The following KDM4C variants were observed in gnomAD, a reference collection of about 807,000 sequenced individuals.
KDM4C encodes lysine-specific demethylase 4C.
KDM4C carries 81 observed loss-of-function variants against 129.3 expected under a neutral mutation model. The ratio of observed to expected loss-of-function variants is 0.63; its 90% CI spans 0.52 to 0.75. The LOEUF is 0.75. Among genes scored for constraint, KDM4C ranks in the 30% least tolerant of loss-of-function variants. The pLI is 0.00. For missense variants in KDM4C, 1,457 were observed against 1,304.0 expected (o/e 1.12, Z -1.81); for synonymous variants, 573 against 456.1 (o/e 1.26, Z -3.26).
chr9:7,001,914 A>C (rs1021088264), intron 12 of KDM4C, among the ~76,000 whole-genome samples: 28 of 152,030 alleles, frequency 1.8e-4, no homozygotes, highest in African/African-American at 6.8e-4. Flanking sequence ...TTTGTTTGAG[A>C]CAGAGTCTTA....
intron 1 of KDM4C, among the ~76,000 whole-genome samples, chr9:6,743,652 T>A (rs1181271383): frequency 6.6e-6 from 1 of 151,776 alleles, no homozygotes; most frequent in Non-Finnish European, 1.5e-5. Context: ...GGATTATAGG[T>A]GTGTACAACC....
intron 2 of KDM4C, among the ~76,000 whole-genome samples, chr9:6,793,407 G>GA (rs1187077269): frequency 2.6e-5 from 4 of 151,780 alleles, no homozygotes; most frequent in Non-Finnish European, 5.9e-5. Context: ...ATCCATGTAT[G>GA]GGTTTCAGAG....
In KDM4C at chr9:6,771,080, C is replaced by CTTTT. The variant is rs35945405; in HGVS notation, c.-18+12903_-18+12906dup. Among the ~76,000 whole-genome samples, 548 of 56,964 alleles carry CTTTT rather than the reference C, an allele frequency of 9.6e-3. 93 individuals are homozygous for CTTTT. Among genetic ancestry groups the CTTTT allele is most frequent in the African/African-American group, 0.04 (529 of 13,236 alleles). The allele number at this position is 56,964 out of a possible 152,430, so 37.4% of individuals were successfully genotyped here. A position where few individuals can be genotyped will look rare whatever the true frequency, so the allele number is the denominator to read the frequency against. On this transcript the variant is annotated intron_variant, in intron 1 of 21. Transcript: ENST00000381309. The stretch of plus-strand genomic sequence containing the variant: ...TGAGCCACTGCGCCCGACTGTGAAT[C>CTTTT]TTTTTTTTTTTTTTTTTTTTTTTTT...
rs141241043 is a variant in KDM4C, at chr9:6,797,601, G to A, written c.144+4469G>A. Among the ~76,000 whole-genome samples the A allele has an allele frequency of 4.0e-3, 607 of 152,310 alleles. 3 individuals carry two copies. Among genetic ancestry groups the A allele is most frequent in the African/African-American group, 0.014 (584 of 41,574 alleles). ...AACTTTTTTTATATATGAAGTGGGT[G>A]AAATTGGTCCCCAACAGAAATCTGA... is the stretch of plus-strand genomic sequence containing the variant. On this transcript the variant is annotated intron_variant, in intron 2 of 21. Transcript: ENST00000381309.
At chr9:7,083,573 A>G (rs1587530075) in intron 17 of KDM4C, among the ~76,000 whole-genome samples, 1 of 152,224 alleles carries the variant, frequency 6.6e-6, no homozygotes, top group Admixed American at 6.5e-5. Context: ...TATGGTAGGC[A>G]GTTATAACAC....
At chr9:6,851,077 G>C (rs1838760767) in intron 5 of KDM4C, among the ~76,000 whole-genome samples, 1 of 152,150 alleles carries the variant, frequency 6.6e-6, no homozygotes, top group African/African-American at 2.4e-5. Flanking sequence ...TTAATAGGTG[G>C]TCTAGGACTC....
intron 1 of KDM4C, among the ~76,000 whole-genome samples, chr9:6,775,419 AT>A (rs961670894): frequency 6.6e-6 from 1 of 151,884 alleles, no homozygotes; most frequent in Non-Finnish European, 1.5e-5. Flanking sequence ...TTTCTTGTAG[AT>A]TGATTTTTGA....
rs184930490 is a variant in KDM4C at position 7,080,830 on chromosome 9, T to C, written c.2425-22855T>C. 1.3e-3 allele frequency among the ~76,000 whole-genome samples: 200 copies of C among 152,348 alleles called. 3 individuals are homozygous for C. Among genetic ancestry groups the C allele is most frequent in the African/African-American group, 4.4e-3 (185 of 41,586 alleles). On this transcript the variant is annotated intron_variant, in intron 17 of 21. Coordinates refer to ENST00000381309, the MANE Select transcript of KDM4C (RefSeq NM_015061.6). ...CAACTTTAACATTCAAGGCGCGTTA[T>C]AGTCTTCCAGAATTCTTCTGGGGAA...
intron 5 of KDM4C, among the ~76,000 whole-genome samples, chr9:6,855,554 A>T (rs1839665457): frequency 6.6e-6 from 1 of 150,840 alleles, no homozygotes; most frequent in African/African-American, 2.4e-5. Context: ...GGCATGGCTC[A>T]GTCTAGGAAA....
At chr9:6,728,394 C>T (rs1817213064) in intron 1 of KDM4C, among the ~76,000 whole-genome samples, 1 of 151,538 alleles carries the variant, frequency 6.6e-6, no homozygotes, top group Non-Finnish European at 1.5e-5. Flanking sequence ...ATTAGCTGGG[C>T]ACAGTGGAAC....
intron 5 of KDM4C, among the ~76,000 whole-genome samples, chr9:6,863,252 T>C (rs1268678335): frequency 6.6e-6 from 1 of 152,176 alleles, no homozygotes; most frequent in Non-Finnish European, 1.5e-5. Context: ...GCTGTAGTTA[T>C]TGTTTTTGAG....
intron 19 of KDM4C, among the ~76,000 whole-genome samples, chr9:7,148,010 G>A (rs139861360): frequency 4.6e-5 from 7 of 152,346 alleles, no homozygotes; most frequent in East Asian, 3.9e-4. Context: ...TTGGAGCGGC[G>A]AGGTTGTGTG....
At position 6,855,334 on chromosome 9, in the gene KDM4C, C is replaced by T. The variant is rs141036967; in HGVS notation, c.629+5634C>T. Among the ~76,000 whole-genome samples, 757 of 151,998 alleles carry T rather than the reference C, an allele frequency of 5.0e-3. 6 individuals carry two copies. The highest frequency in any genetic ancestry group is 0.018 in the African/African-American group (732 of 41,426). The stretch of plus-strand genomic sequence containing the variant: ...ATTAGCTGGGCATGGTGGTGCATGA[C>T]TGTAGTCCCAGCTACTCGGGAGGCT... On this transcript the variant is annotated intron_variant, in intron 5 of 21. Transcript: ENST00000381309.
At chr9:7,140,152 C>T (rs1386950196) in intron 19 of KDM4C, among the ~76,000 whole-genome samples, 1 of 152,108 alleles carries the variant, frequency 6.6e-6, no homozygotes, top group Non-Finnish European at 1.5e-5. Context: ...TCCCTGGTGC[C>T]AGCTGTGACC....
chr9:7,152,746 A>G (rs922078124), intron 19 of KDM4C, among the ~76,000 whole-genome samples: 1 of 152,208 alleles, frequency 6.6e-6, no homozygotes, highest in Non-Finnish European at 1.5e-5. Context: ...CCACCCCAAA[A>G]TGCTGTGGAA....
chr9:7,031,488 T>C (rs1826760405), intron 15 of KDM4C, among the ~76,000 whole-genome samples: 1 of 152,158 alleles, frequency 6.6e-6, no homozygotes, highest in African/African-American at 2.4e-5. Context: ...TAGTAACAAT[T>C]AGATATAAGC....
chr9:7,096,574 A>G (rs559228909), intron 17 of KDM4C, among the ~76,000 whole-genome samples: 1 of 152,330 alleles, frequency 6.6e-6, no homozygotes, highest in South Asian at 2.1e-4. Context: ...CAACTATGAA[A>G]TACTACATAT....
chr9:6,887,172 T>C lies in KDM4C; in HGVS notation c.680-788T>C, dbSNP rs934278030. Among the ~76,000 whole-genome samples, 4 of 152,194 alleles carry C rather than the reference T, an allele frequency of 2.6e-5. No homozygotes were observed. The East Asian group carries it at 5.8e-4, about 22-fold the overall frequency. On this transcript the variant is annotated intron_variant, in intron 6 of 21. Transcript: ENST00000381309. ...TCAGCATGGCTGCCTTCCCTCTGAG[T>C]GAGGAAGGTGTGGAGCAGTACATCA... is the stretch of plus-strand genomic sequence containing the variant.
In KDM4C at chr9:6,983,573, GAC is replaced by G. The variant is rs56086219; in HGVS notation, c.1116-554_1116-553del. Reference sequence around the variant, plus strand: ...CAATATAGTGAGACAGTGTCTTTATGACACACACACACACACACACACACACA... The same window carrying G: ...CAATATAGTGAGACAGTGTCTTTATGACACACACACACACACACACACACA... On this transcript the variant is annotated intron_variant, in intron 9 of 21. Coordinates refer to ENST00000381309, the MANE Select transcript of KDM4C (RefSeq NM_015061.6). Among the ~76,000 whole-genome samples, 1,197 of 142,700 alleles carry G rather than the reference GAC, an allele frequency of 8.4e-3. 18 individuals carry two copies. The highest frequency in any genetic ancestry group is 0.027 in the African/African-American group (1,014 of 37,412). 93.6% of individuals were successfully genotyped at this position (142,700 alleles called of 152,430 possible). A position where few individuals can be genotyped will look rare whatever the true frequency, so the allele number is the denominator to read the frequency against.
Sources: gnomAD v4.1 joint callset for allele counts (sites outside exome capture counted in the v4.1 genomes callset) on GRCh38, gnomAD v4.1.1 for gene constraint, MANE v1.5 for transcripts, NCBI Gene and HGNC (gene_info 2026-07-23, HGNC 2026-07-21) for gene names.